CACNA2D1: variants seen among roughly 807,000 people sequenced by gnomAD.
The protein encoded by CACNA2D1 is calcium voltage-gated channel auxiliary subunit alpha2delta 1.
In CACNA2D1, 53 loss-of-function variants were observed where a neutral mutation model predicts 171.5. That is an observed-to-expected ratio of 0.31 (90% CI 0.25 to 0.39). The LOEUF is 0.39. Among genes scored for constraint, CACNA2D1 ranks in the 10% least tolerant of loss-of-function variants. The pLI, the probability that CACNA2D1 is intolerant of heterozygous loss-of-function variation, is 1.00. For synonymous variants in CACNA2D1, 442 were observed against 443.1 expected, an observed-to-expected ratio of 1.00 and a Z score of 0.03; for missense variants, 903 against 1,299.8, an observed-to-expected ratio of 0.69 and a Z score of 4.69.
intron 3 of CACNA2D1, among the ~76,000 whole-genome samples, chr7:82,209,883 A>G (rs565241840): frequency 6.6e-6 from 1 of 152,296 alleles, no homozygotes; most frequent in East Asian, 1.9e-4. Flanking sequence ...ACCCACATTT[A>G]TAACACAACC....
intron 1 of CACNA2D1, among the ~76,000 whole-genome samples, chr7:82,413,101 C>T (rs910404431): frequency 2.0e-5 from 3 of 152,002 alleles, no homozygotes; most frequent in Non-Finnish European, 2.9e-5. Flanking sequence ...GTTTTCATGT[C>T]GAACAGATTT....
chr7:82,242,389 G>A (rs1180771525), intron 3 of CACNA2D1, among the ~76,000 whole-genome samples: 2 of 152,046 alleles, frequency 1.3e-5, no homozygotes, highest in Non-Finnish European at 2.9e-5. Flanking sequence ...ACTATATGGA[G>A]CAGCCACAGC....
intron 17 of CACNA2D1, 47 bp downstream of exon 17, chr7:82,005,718 A>T (rs1458396688): frequency 8.0e-7 from 1 of 1,250,460 alleles, no homozygotes. Flanking sequence ...AAGTTAGTAC[A>T]GAGTTCTAAA....
intron 10 of CACNA2D1, among the ~76,000 whole-genome samples, chr7:82,055,294 C>T (rs78666933): frequency 6.6e-6 from 1 of 152,030 alleles, no homozygotes; most frequent in African/African-American, 2.4e-5. Context: ...GTAGCTTCTG[C>T]GTTCCTAGAG....
intron 12 of CACNA2D1, among the ~76,000 whole-genome samples, chr7:82,018,654 A>T (rs1016235458): frequency 2.6e-5 from 4 of 152,148 alleles, no homozygotes; most frequent in African/African-American, 9.7e-5. Flanking sequence ...ATATAATTGT[A>T]AAAGCAATAG....
At chr7:82,417,810 T>C (rs4728508) in intron 1 of CACNA2D1, among the ~76,000 whole-genome samples, 39 of 152,024 alleles carry the variant, frequency 2.6e-4, no homozygotes, top group Non-Finnish European at 4.9e-4. Context: ...TGAGTACCTA[T>C]AAAAAGGGGG....
intron 15 of CACNA2D1, chr7:82,009,328 G>A (rs1442171158): frequency 1.3e-5 from 2 of 152,130 alleles, no homozygotes; most frequent in African/African-American, 4.8e-5. Flanking sequence ...ACAGCAGTGT[G>A]AGAACAGACT....
intron 3 of CACNA2D1, among the ~76,000 whole-genome samples, chr7:82,288,809 GGTT>G (rs1453831583): frequency 6.6e-6 from 1 of 152,156 alleles, no homozygotes; most frequent in Non-Finnish European, 1.5e-5. Flanking sequence ...GTTCCATTGA[GGTT>G]GTGAAAATCA....
chr7:82,166,192 T>C (rs1584975977), intron 4 of CACNA2D1, among the ~76,000 whole-genome samples: 1 of 152,170 alleles, frequency 6.6e-6, no homozygotes, highest in East Asian at 1.9e-4. Context: ...TTTCAAAATA[T>C]GATTTGGCAA....
chr7:82,216,674 C>A (rs1019005649), intron 3 of CACNA2D1, among the ~76,000 whole-genome samples: 1 of 152,090 alleles, frequency 6.6e-6, no homozygotes, highest in Non-Finnish European at 1.5e-5. Flanking sequence ...AGAAGGGTTC[C>A]ATTTTGTCAA....
intron 10 of CACNA2D1, among the ~76,000 whole-genome samples, chr7:82,052,606 C>T (rs1197363899): frequency 6.6e-6 from 1 of 152,002 alleles, no homozygotes; most frequent in Non-Finnish European, 1.5e-5. Context: ...TGAAAAATTT[C>T]TTTAAAATTA....
chr7:82,379,590 A>G (rs1823457492), intron 1 of CACNA2D1, among the ~76,000 whole-genome samples: 1 of 152,174 alleles, frequency 6.6e-6, no homozygotes, highest in Non-Finnish European at 1.5e-5. Context: ...TTGTCCTGGG[A>G]TGCATTCAAA....
intron 3 of CACNA2D1, among the ~76,000 whole-genome samples, chr7:82,277,489 T>G (rs781743263): frequency 1.3e-5 from 2 of 152,132 alleles, no homozygotes; most frequent in Non-Finnish European, 2.9e-5. Context: ...CATGAGCCAC[T>G]GCGCCCAACC....
At chr7:82,317,161 G>C (rs1047847945) in intron 3 of CACNA2D1, among the ~76,000 whole-genome samples, 10 of 152,142 alleles carry the variant, frequency 6.6e-5, no homozygotes, top group Non-Finnish European at 1.5e-4. Context: ...AAGCTACCAA[G>C]AGTACCTAGA....
intron 28 of CACNA2D1, among the ~76,000 whole-genome samples, 166 bp from the exon 29 acceptor site, chr7:81,969,139 T>C (rs1795014504): frequency 6.6e-6 from 1 of 151,484 alleles, no homozygotes. Context: ...TTGTATACAC[T>C]AGGCTAACTG....
upstream of CACNA2D1, chr7:82,443,862 G>A: frequency 2.4e-6 from 1 of 418,316 alleles, no homozygotes; most frequent in Non-Finnish European, 4.0e-6. Context: ...GAGGGGTGAC[G>A]GCGCTGGAGG....
rs969838825 is a variant in CACNA2D1 at position 82,335,132 on chromosome 7, C to T, written c.294+3G>A. ...AAAATGAGCAGATCCAATTTAAACT[C>T]ACCACCAGGGCTTTAGATCTGTTGC... On this transcript the variant is annotated splice_donor_region_variant and intron_variant, in intron 3 of 38. Transcript: ENST00000356860. 2.6e-6 allele frequency: 4 copies of T among 1,554,896 alleles called. No homozygotes were observed. Among genetic ancestry groups the T allele is most frequent in the Middle Eastern group, 1.7e-4 (1 of 5,958 alleles).
chr7:82,289,250 G>T (rs974662761), intron 3 of CACNA2D1, among the ~76,000 whole-genome samples: 6 of 152,108 alleles, frequency 3.9e-5, no homozygotes, highest in African/African-American at 1.4e-4. Flanking sequence ...TAAGAATCAA[G>T]TATCCAACAT....
At chr7:82,278,485 G>A (rs1016969751) in intron 3 of CACNA2D1, among the ~76,000 whole-genome samples, 5 of 150,086 alleles carry the variant, frequency 3.3e-5, no homozygotes, top group Admixed American at 2.0e-4. Flanking sequence ...TTGAGCCCAG[G>A]AGGCAGAGGT....
Sources: allele counts gnomAD v4.1 joint callset (sites outside exome capture counted in the v4.1 genomes callset), GRCh38; gene constraint gnomAD v4.1.1; transcripts MANE v1.5; gene names NCBI Gene and HGNC (gene_info 2026-07-23, HGNC 2026-07-21).